The following MYDGF variants were observed in gnomAD, a reference collection of about 807,000 sequenced individuals.
The protein encoded by MYDGF is myeloid-derived growth factor.
Under a neutral mutation model 24.2 loss-of-function variants are expected in MYDGF, and 29 were observed. The ratio of observed to expected loss-of-function variants is 1.20; its 90% CI spans 0.89 to 1.63. MYDGF has a LOEUF of 1.63. Among genes scored for constraint, MYDGF ranks in the 40% most tolerant of loss-of-function variants. The pLI, the probability that MYDGF is intolerant of heterozygous loss-of-function variation, is 0.00. For missense variants in MYDGF, 245 were observed against 234.8 expected (o/e 1.04, Z -0.29); for synonymous variants, 105 against 102.5 (o/e 1.02, Z -0.15).
intron 3 of MYDGF, among the ~76,000 whole-genome samples, chr19:4,662,453 T>C (rs1056184971): frequency 1.3e-5 from 2 of 152,158 alleles, no homozygotes; most frequent in African/African-American, 2.4e-5. Context: ...CTTCCTTCCC[T>C]TCATGACCTT....
At chr19:4,661,667 G>C (rs575863443) in intron 3 of MYDGF, among the ~76,000 whole-genome samples, 30 of 152,170 alleles carry the variant, frequency 2.0e-4, no homozygotes, top group Admixed American at 1.8e-3. Context: ...GCCCTGGCTG[G>C]GGTTCTATGT....
intron 2 of MYDGF, 95 bp downstream of exon 2, chr19:4,668,500 A>T: frequency 9.5e-7 from 1 of 1,056,574 alleles, no homozygotes; most frequent in South Asian, 1.3e-5. Context: ...GTAAGGTGAT[A>T]TAGGTGAGAC....
In MYDGF at chr19:4,662,852, C is replaced by G. The variant is rs560990455; in HGVS notation, c.287+2024G>C. The stretch of plus-strand genomic sequence containing the variant: ...CCCCACAGACTCCCACACCTGCCAC[C>G]TGCCTAGCTCGTCCCCAGCCCAGAC... On this transcript the variant is annotated intron_variant, in intron 3 of 5. Coordinates refer to ENST00000262947, the MANE Select transcript of MYDGF (RefSeq NM_019107.4). 5.3e-5 allele frequency among the ~76,000 whole-genome samples: 8 copies of G among 152,130 alleles called. No homozygotes were observed. In the South Asian group the frequency reaches 1.7e-3, roughly 32 times the overall value.
At chr19:4,669,823 C>T (rs1040397380) in intron 1 of MYDGF, among the ~76,000 whole-genome samples, 1 of 152,180 alleles carries the variant, frequency 6.6e-6, no homozygotes, top group African/African-American at 2.4e-5. Context: ...CTTTAGCCTC[C>T]TGCCGCTCCC....
Position 4,670,155 on chromosome 19 carries a change from A to G in MYDGF, c.174+6T>C. 6.6e-7 allele frequency: 1 copy of G among 1,515,122 alleles called. No homozygotes were observed. The highest frequency in any genetic ancestry group is 8.8e-7 in the Non-Finnish European group (1 of 1,130,070). 93.9% of individuals were successfully genotyped at this position (1,515,122 alleles called of 1,614,324 possible). A position where few individuals can be genotyped will look rare whatever the true frequency, so the allele number is the denominator to read the frequency against. On this transcript the variant is annotated splice_donor_region_variant and intron_variant, in intron 1 of 5. Transcript: ENST00000262947. Reference sequence around the variant, plus strand: ...CTCAAATATCCGGGACGGCGGTGGCACGTACCCCCGGGCCCACGTTATGGG... The same window carrying G: ...CTCAAATATCCGGGACGGCGGTGGCGCGTACCCCCGGGCCCACGTTATGGG...
At chr19:4,660,536 C>T (rs2088461458) in intron 4 of MYDGF, 133 bp downstream of exon 4, 5 of 820,464 alleles carry the variant, frequency 6.1e-6, no homozygotes, top group South Asian at 5.0e-5. Flanking sequence ...GCAAGTTACA[C>T]ACCCTACCTC....
At chr19:4,669,740 G>T (rs1189903267) in intron 1 of MYDGF, among the ~76,000 whole-genome samples, 3 of 152,154 alleles carry the variant, frequency 2.0e-5, no homozygotes, top group Non-Finnish European at 4.4e-5. Context: ...TTGTGCAATG[G>T]AAGGAAGGAG....
rs549593176 is a variant in MYDGF at position 4,670,046 on chromosome 19, C to G, written c.174+115G>C. 2.5e-6 allele frequency: 3 copies of G among 1,196,156 alleles called. No individual in the cohort carries two copies. In the South Asian group the frequency reaches 6.4e-5, roughly 26 times the overall value. 74.1% of individuals were successfully genotyped at this position (1,196,156 alleles called of 1,614,324 possible). The stretch of plus-strand genomic sequence containing the variant: ...CCGACCCTAACAATCCGCACCCCTT[C>G]TTCAGTACCCACCTCCGCGGTCCGC... On this transcript the variant is annotated intron_variant, in intron 1 of 5. Transcript: ENST00000262947.
intron 2 of MYDGF, among the ~76,000 whole-genome samples, chr19:4,665,389 G>T (rs1285088442): frequency 6.6e-6 from 1 of 152,026 alleles, no homozygotes; most frequent in Non-Finnish European, 1.5e-5. Flanking sequence ...GTGTTTTGTA[G>T]AATCACTGTC....
At chr19:4,666,911 G>C (rs1006637751) in intron 2 of MYDGF, among the ~76,000 whole-genome samples, 2 of 152,086 alleles carry the variant, frequency 1.3e-5, no homozygotes, top group African/African-American at 4.8e-5. Flanking sequence ...GGTGTTGACC[G>C]GGCTAGGCTC....
chr19:4,669,546 A>C (rs1016348826), intron 1 of MYDGF, among the ~76,000 whole-genome samples: 1 of 152,164 alleles, frequency 6.6e-6, no homozygotes, highest in Non-Finnish European at 1.5e-5. Flanking sequence ...TGAACCCAGA[A>C]GGCTAAGGAT....
In MYDGF at chr19:4,666,422, C is replaced by A. The variant is rs112719930; in HGVS notation, c.226-1485G>T. ...TCCTGAGTAGCTGGGATTACAGGCG[C>A]GTGCCACCACGCCCTGCTAACTTTT... On this transcript the variant is annotated intron_variant, in intron 2 of 5. Transcript: ENST00000262947. Among the ~76,000 whole-genome samples, 16 of 151,766 alleles carry A rather than the reference C, an allele frequency of 1.1e-4. No individual in the cohort carries two copies. In the East Asian group the frequency reaches 2.9e-3, roughly 28 times the overall value.
At chr19:4,665,603 C>T (rs559309866) in intron 2 of MYDGF, among the ~76,000 whole-genome samples, 3 of 152,004 alleles carry the variant, frequency 2.0e-5, no homozygotes, top group East Asian at 2.0e-4. Context: ...AGGCAGATCA[C>T]GAGGTCAGGA....
chr19:4,668,642 T>A lies in MYDGF; in HGVS notation c.178A>T (p.Lys60Ter). 6.2e-7 allele frequency: 1 copy of A among 1,612,628 alleles called. No homozygotes were observed. The highest frequency in any genetic ancestry group is 8.5e-7 in the Non-Finnish European group (1 of 1,179,100). The change falls in exon 2 of 6, where the codon AAA becomes TAA. Residue 60 changes from lysine (K) to a stop codon, truncating the protein, a stop_gained. Coordinates refer to ENST00000262947, the MANE Select transcript of MYDGF (RefSeq NM_019107.4). LOFTEE classifies it high-confidence loss of function. The stretch of plus-strand genomic sequence containing the variant: ...GCGTAAGTGAACATACACGTATATT[T>A]GTCCTAGAGAATGGAAGGAAAAAAA... ...SFSHNVGPGDKYTCMFTYASQ... is the reference protein window; with the variant it reads ...SFSHNVGPGD
intron 3 of MYDGF, among the ~76,000 whole-genome samples, chr19:4,663,033 C>T (rs1355700964): frequency 2.0e-5 from 3 of 151,454 alleles, no homozygotes; most frequent in South Asian, 4.2e-4. Context: ...CCTCCCACTC[C>T]GTCCTCATTC....
At chr19:4,665,065 A>C in intron 2 of MYDGF, 128 bp from the exon 3 acceptor site, 6 of 993,530 alleles carry the variant, frequency 6.0e-6, no homozygotes, top group Non-Finnish European at 8.8e-6. Flanking sequence ...TGGCCACTAA[A>C]TCCCCTGCCC....
rs1358659743 is a variant in MYDGF, at chr19:4,660,065, A to AT, written c.370-63dup. The stretch of plus-strand genomic sequence containing the variant: ...TTCAATGCTCATCATTAGGAAAACG[A>AT]TTGAGTTTGCTTTCCAGAGAAGCAC... On this transcript the variant is annotated intron_variant, in intron 4 of 5. Coordinates refer to ENST00000262947, the MANE Select transcript of MYDGF (RefSeq NM_019107.4). 4 of 1,466,564 alleles carry AT rather than the reference A, an allele frequency of 2.7e-6. No homozygotes were observed. The Admixed American group carries it at 6.7e-5, about 25-fold the overall frequency. The allele number at this position is 1,466,564 out of a possible 1,614,324, so 90.8% of individuals were successfully genotyped here. A position where few individuals can be genotyped will look rare whatever the true frequency, so the allele number is the denominator to read the frequency against.
Position 4,670,218 on chromosome 19 carries a change from C to T in MYDGF, c.117G>A (p.Ala39=), listed in dbSNP as rs1257014811. ...AEAVSEPTTV[A]FDVRPGGVVH... is the part of the protein sequence containing the mutation. ...CGACGCCGCCGGGCCGCACGTCAAA[C>T]GCCACCGTCGTGGGCTCGGACACCG... The change falls in exon 1 of 6, where the codon GCG becomes GCA. Residue 39 remains alanine, a synonymous_variant. Coordinates refer to ENST00000262947, the MANE Select transcript of MYDGF (RefSeq NM_019107.4). The T allele has an allele frequency of 1.2e-5, 19 of 1,563,726 alleles. No individual in the cohort carries two copies. The highest frequency in any genetic ancestry group is 1.6e-5 in the Non-Finnish European group (19 of 1,158,122).
chr19:4,669,984 A>G (rs1599841522), intron 1 of MYDGF, among the ~76,000 whole-genome samples, 177 bp downstream of exon 1: 1 of 150,124 alleles, frequency 6.7e-6, no homozygotes, highest in African/African-American at 2.5e-5. Flanking sequence ...CCCAGTGATG[A>G]CCCCGGCCTC....
Sources: allele counts gnomAD v4.1 joint callset (sites outside exome capture counted in the v4.1 genomes callset), GRCh38; gene constraint gnomAD v4.1.1; transcripts MANE v1.5; gene names NCBI Gene and HGNC (gene_info 2026-07-23, HGNC 2026-07-21).